Variants in BRAF observed in about 807,000 individuals in gnomAD.
BRAF encodes the protein serine/threonine-protein kinase B-raf.
BRAF carries 16 observed loss-of-function variants against 104.6 expected under a neutral mutation model. That is an observed-to-expected ratio of 0.15 (90% CI 0.10 to 0.23). The LOEUF (loss-of-function observed/expected upper bound fraction) is 0.23, where lower values mean the gene tolerates loss of function less well. BRAF is among the 10% of genes least tolerant of loss of function. The pLI, the probability that BRAF is intolerant of heterozygous loss-of-function variation, is 1.00. For synonymous variants in BRAF, 310 were observed against 341.6 expected (o/e 0.91, Z 1.02); for missense variants, 541 against 937.3 (o/e 0.58, Z 5.52).
chr7:140,714,727 G>A (rs1337753547), downstream of BRAF, among the ~76,000 whole-genome samples: 1 of 152,144 alleles, frequency 6.6e-6, no homozygotes, highest in Non-Finnish European at 1.5e-5. Flanking sequence ...AGAAGATAAG[G>A]TTCTGTTCTC....
Position 140,722,494 on chromosome 7 carries a change from A to G in BRAF, c.*4000T>C. 9.5e-7 allele frequency: 1 copy of G among 1,056,310 alleles called. No homozygotes were observed. The highest frequency in any genetic ancestry group is 1.1e-6 in the Non-Finnish European group (1 of 873,646). 65.4% of individuals were successfully genotyped at this position (1,056,310 alleles called of 1,614,324 possible). On this transcript the variant is annotated 3_prime_UTR_variant, in exon 20 of 20. Coordinates refer to ENST00000644969, the MANE Select transcript of BRAF (RefSeq NM_001374258.1). Reference sequence around the variant, plus strand: ...CTAGAGCCTCACCTACACCATTTCAACTCATGACCTGTAAGCTATTTGCTG... The same window carrying G: ...CTAGAGCCTCACCTACACCATTTCAGCTCATGACCTGTAAGCTATTTGCTG...
chr7:140,715,899 A>G (rs1011263915), downstream of BRAF, among the ~76,000 whole-genome samples: 8 of 152,222 alleles, frequency 5.3e-5, no homozygotes, highest in Non-Finnish European at 1.2e-4. Flanking sequence ...AAGTTGAGCT[A>G]TAGATGGGTT....
intron 1 of BRAF, among the ~76,000 whole-genome samples, chr7:140,917,869 G>A (rs1192063944): frequency 6.6e-6 from 1 of 152,140 alleles, no homozygotes; most frequent in African/African-American, 2.4e-5. Flanking sequence ...TCAAATTTCA[G>A]TGTCCTGAAA....
rs1353641286 is a variant in BRAF at position 140,909,841 on chromosome 7, AC to A, written c.138+14724del. Among the ~76,000 whole-genome samples, 214 of 148,816 alleles carry A rather than the reference AC, an allele frequency of 1.4e-3. 1 individual carries two copies. The highest frequency in any genetic ancestry group is 4.5e-3 in the African/African-American group (174 of 38,688). On this transcript the variant is annotated intron_variant, in intron 1 of 19. Transcript: ENST00000644969. ...AACAACAACAACAACAACAACAACA[AC>A]AACAAAAAAGTGCCTCATACACAAA... is the stretch of plus-strand genomic sequence containing the variant.
intron 12 of BRAF, 42 bp from the exon 12 acceptor site, chr7:140,778,117 A>C: frequency 6.3e-7 from 1 of 1,592,266 alleles, no homozygotes; most frequent in Non-Finnish European, 8.6e-7. Context: ...TCAATTTTTA[A>C]AATTTAAAAG....
intron 10 of BRAF, 40 bp from the exon 10 acceptor site, chr7:140,783,197 G>A (rs948488087): frequency 6.2e-7 from 1 of 1,609,328 alleles, no homozygotes; most frequent in Non-Finnish European, 8.5e-7. Context: ...TTAAGGAGGA[G>A]CAAGTATGTT....
At chr7:140,900,320 T>C (rs760475223) in intron 1 of BRAF, among the ~76,000 whole-genome samples, 22 of 152,262 alleles carry the variant, frequency 1.4e-4, no homozygotes, top group Non-Finnish European at 2.8e-4. Flanking sequence ...AATTCTTCTC[T>C]GCCTTAAATA....
intron 1 of BRAF, among the ~76,000 whole-genome samples, chr7:140,901,970 A>AT: frequency 6.6e-6 from 1 of 152,164 alleles, no homozygotes; most frequent in Admixed American, 6.6e-5. Context: ...CTAAATATTT[A>AT]TTTTTTATGC....
At chr7:140,767,298 C>T (rs571283577) in intron 14 of BRAF, among the ~76,000 whole-genome samples, 2 of 152,168 alleles carry the variant, frequency 1.3e-5, no homozygotes, top group African/African-American at 4.8e-5. Flanking sequence ...ACCACCGTGC[C>T]CAGCCAAAAG....
intron 1 of BRAF, among the ~76,000 whole-genome samples, chr7:140,900,808 A>C (rs1484564656): frequency 6.6e-6 from 1 of 152,104 alleles, no homozygotes; most frequent in Non-Finnish European, 1.5e-5. Flanking sequence ...ACGGGGTTTC[A>C]CCATGTTGGC....
chr7:140,793,229 A>G (rs57620608), intron 8 of BRAF, among the ~76,000 whole-genome samples: 8,630 of 152,312 alleles, frequency 0.057, 293 homozygotes, highest in South Asian at 0.12. Context: ...GATAGTTTTC[A>G]AAGTAAAGAT....
Position 140,720,400 on chromosome 7 carries a change from AC to A in BRAF, c.*6093del. 1 of 1,062,406 alleles carries A rather than the reference AC, an allele frequency of 9.4e-7. No homozygotes were observed. The highest frequency in any genetic ancestry group is 1.1e-6 in the Non-Finnish European group (1 of 877,490). 65.8% of individuals were successfully genotyped at this position (1,062,406 alleles called of 1,614,324 possible). On this transcript the variant is annotated 3_prime_UTR_variant, in exon 20 of 20. Coordinates refer to ENST00000644969, the MANE Select transcript of BRAF (RefSeq NM_001374258.1). The stretch of plus-strand genomic sequence containing the variant: ...GACATACACCCCTGTATGTAAACTA[AC>A]ATAACATGAAGATAAATAAGACATA...
At chr7:140,774,047 A>G (rs552765929) in intron 14 of BRAF, among the ~76,000 whole-genome samples, 2 of 152,244 alleles carry the variant, frequency 1.3e-5, no homozygotes, top group South Asian at 4.1e-4. Flanking sequence ...AATCCTTCAG[A>G]AACTGAAGAT....
chr7:140,747,493 T>A, intron 17 of BRAF: 1 of 983,126 alleles, frequency 1.0e-6, no homozygotes, highest in Non-Finnish European at 1.4e-6. Flanking sequence ...GGGATGCTTT[T>A]ATCTGTATTT....
At position 140,722,200 on chromosome 7, in the gene BRAF, T is replaced by C; in HGVS notation, c.*4294A>G. The C allele has an allele frequency of 9.5e-7, 1 of 1,057,022 alleles. No homozygotes were observed. Among genetic ancestry groups the C allele is most frequent in the Non-Finnish European group, 1.1e-6 (1 of 873,610 alleles). 65.5% of individuals were successfully genotyped at this position (1,057,022 alleles called of 1,614,324 possible). A position where few individuals can be genotyped will look rare whatever the true frequency, so the allele number is the denominator to read the frequency against. On this transcript the variant is annotated 3_prime_UTR_variant, in exon 20 of 20. Transcript: ENST00000644969. Reference sequence around the variant, plus strand: ...TCTATGTGATAAATATATCTGACTATACTAGGGATTATGTGCTTTAAAAAA... The same window carrying C: ...TCTATGTGATAAATATATCTGACTACACTAGGGATTATGTGCTTTAAAAAA...
rs1033864724 is a variant in BRAF, at chr7:140,743,051, A to G, written c.2113-3105T>C. Among the ~76,000 whole-genome samples the G allele has an allele frequency of 3.3e-5, 5 of 152,236 alleles. 1 individual carries two copies. The highest frequency in any genetic ancestry group is 6.5e-5 in the Admixed American group (1 of 15,286). ...TCATCTCACACCAGTTAGAATCACA[A>G]TCATTAAAAAGTCAGGAAACAACAG... On this transcript the variant is annotated intron_variant, in intron 17 of 19. Transcript: ENST00000644969.
At chr7:140,717,077 C>T (rs1277173617), downstream of BRAF, among the ~76,000 whole-genome samples, 1 of 152,196 alleles carries the variant, frequency 6.6e-6, no homozygotes, top group Admixed American at 6.5e-5. Flanking sequence ...ACACAACAAC[C>T]ATTTCTGGCT....
chr7:140,921,374 C>T (rs1338838517), intron 1 of BRAF, among the ~76,000 whole-genome samples: 2 of 152,092 alleles, frequency 1.3e-5, no homozygotes, highest in African/African-American at 4.8e-5. Flanking sequence ...CCAGAATATT[C>T]TATTTTGAGC....
At chr7:140,869,435 C>G (rs1811322103) in intron 1 of BRAF, among the ~76,000 whole-genome samples, 1 of 152,092 alleles carries the variant, frequency 6.6e-6, no homozygotes, top group South Asian at 2.1e-4. Flanking sequence ...GAATTCGAGA[C>G]CTACCTGGCC....
Sources: gnomAD v4.1 joint callset for allele counts (sites outside exome capture counted in the v4.1 genomes callset) on GRCh38, gnomAD v4.1.1 for gene constraint, MANE v1.5 for transcripts, NCBI Gene and HGNC (gene_info 2026-07-23, HGNC 2026-07-21) for gene names.